The following PACRG variants were observed in gnomAD, a reference collection of about 807,000 sequenced individuals.
PACRG encodes parkin coregulated, also known as parkin coregulated gene protein.
PACRG carries 29 observed loss-of-function variants against 29.7 expected under a neutral mutation model. That is an observed-to-expected ratio of 0.98 (90% CI 0.73 to 1.33). PACRG has a LOEUF of 1.33. Among genes scored for constraint, PACRG ranks in the 40% most tolerant of loss-of-function variants. The pLI, the probability that PACRG is intolerant of heterozygous loss-of-function variation, is 0.00. For missense variants in PACRG, 279 were observed against 316.2 expected, an observed-to-expected ratio of 0.88 and a Z score of 0.89; for synonymous variants, 116 against 118.7, an observed-to-expected ratio of 0.98 and a Z score of 0.15.
chr6:163,060,454 A>AAC (rs1480521506), intron 2 of PACRG, among the ~76,000 whole-genome samples: 1 of 152,224 alleles, frequency 6.6e-6, no homozygotes, highest in Non-Finnish European at 1.5e-5. Context: ...AATCTCTGAG[A>AAC]AAATATATAT....
intron 1 of PACRG, among the ~76,000 whole-genome samples, chr6:162,790,796 C>A (rs370073428): frequency 2.0e-5 from 3 of 152,086 alleles, no homozygotes; most frequent in Non-Finnish European, 4.4e-5. Flanking sequence ...GCGTTGATCC[C>A]GCTATGTATC....
intron 4 of PACRG, among the ~76,000 whole-genome samples, chr6:163,181,703 G>A (rs980816883): frequency 6.6e-6 from 1 of 150,664 alleles, no homozygotes; most frequent in African/African-American, 2.4e-5. Context: ...AGCAGAGGTT[G>A]ATTATTAGTA....
intron 2 of PACRG, among the ~76,000 whole-genome samples, chr6:163,046,974 T>C (rs1334335828): frequency 6.6e-6 from 1 of 152,236 alleles, no homozygotes. Context: ...AATTTCTTCT[T>C]AAAATTGCCT....
chr6:163,300,023 T>A (rs1784926888), intron 4 of PACRG, among the ~76,000 whole-genome samples: 1 of 152,176 alleles, frequency 6.6e-6, no homozygotes, highest in African/African-American at 2.4e-5. Context: ...AGGCTGGAAC[T>A]AAGTGGAATG....
chr6:163,026,996 A>G (rs1807193139), intron 2 of PACRG, among the ~76,000 whole-genome samples: 1 of 152,230 alleles, frequency 6.6e-6, no homozygotes, highest in Admixed American at 6.5e-5. Context: ...TATGCTCCAT[A>G]TGAACATGGA....
chr6:163,202,619 G>A (rs897401877), intron 4 of PACRG, among the ~76,000 whole-genome samples: 1 of 152,108 alleles, frequency 6.6e-6, no homozygotes, highest in African/African-American at 2.4e-5. Context: ...TAGTTGTAAC[G>A]ATGGTTTTCA....
intron 4 of PACRG, among the ~76,000 whole-genome samples, chr6:163,166,981 A>T (rs1778840502): frequency 6.6e-6 from 1 of 152,234 alleles, no homozygotes; most frequent in South Asian, 2.1e-4. Context: ...TTTTCTATCC[A>T]AATAAAGTTC....
chr6:162,947,373 TA>T (rs1255304807), intron 2 of PACRG, among the ~76,000 whole-genome samples: 1 of 21,730 alleles, frequency 4.6e-5, no homozygotes, highest in Non-Finnish European at 1.5e-4. Flanking sequence ...TAATCATATA[TA>T]ATCATATATA....
intron 2 of PACRG, among the ~76,000 whole-genome samples, chr6:163,018,322 A>G (rs993758666): frequency 1.1e-4 from 16 of 152,158 alleles, no homozygotes; most frequent in Admixed American, 4.6e-4. Context: ...TCCTAGTTTC[A>G]TAAGTAAATA....
chr6:163,100,281 C>T (rs1814981201), intron 4 of PACRG, among the ~76,000 whole-genome samples: 2 of 152,142 alleles, frequency 1.3e-5, no homozygotes, highest in African/African-American at 2.4e-5. Flanking sequence ...GTCAAAAATG[C>T]CCCCACCCGT....
intron 3 of PACRG, among the ~76,000 whole-genome samples, chr6:163,068,082 TCCAATCTGGA>T (rs1811710819): frequency 6.6e-6 from 1 of 152,230 alleles, no homozygotes; most frequent in Non-Finnish European, 1.5e-5. Flanking sequence ...ATCCATTTGC[TCCAATCTGGA>T]CCACATATTG....
intron 4 of PACRG, among the ~76,000 whole-genome samples, chr6:163,113,679 G>A (rs1403227100): frequency 6.6e-6 from 1 of 152,118 alleles, no homozygotes; most frequent in Non-Finnish European, 1.5e-5. Context: ...CAAAAGCAAA[G>A]GGGAAATTGA....
intron 2 of PACRG, among the ~76,000 whole-genome samples, chr6:162,994,474 C>A (rs1362120060): frequency 6.6e-6 from 1 of 150,914 alleles, no homozygotes; most frequent in African/African-American, 2.5e-5. Flanking sequence ...CTTCCCTTCT[C>A]GCTTCATTTC....
intron 2 of PACRG, among the ~76,000 whole-genome samples, chr6:162,835,790 T>C (rs972932447): frequency 1.3e-5 from 2 of 152,128 alleles, no homozygotes; most frequent in Non-Finnish European, 2.9e-5. Context: ...CAATCTACCA[T>C]TGGACACATT....
intron 2 of PACRG, chr6:163,016,238 A>G (rs1806096528): frequency 6.6e-6 from 1 of 152,174 alleles, no homozygotes; most frequent in African/African-American, 2.4e-5. Context: ...TGACAGTGTG[A>G]GTTGGGTTCT....
chr6:163,262,099 T>C (rs912246684), intron 4 of PACRG, among the ~76,000 whole-genome samples: 1 of 152,174 alleles, frequency 6.6e-6, no homozygotes, highest in African/African-American at 2.4e-5. Context: ...AATTCTAAAC[T>C]ATATGAAAGT....
intron 4 of PACRG, among the ~76,000 whole-genome samples, chr6:163,095,182 C>G (rs1161697334): frequency 1.3e-5 from 2 of 152,186 alleles, no homozygotes; most frequent in Non-Finnish European, 2.9e-5. Context: ...ATGGTGAAAC[C>G]TACACATGCT....
intron 4 of PACRG, among the ~76,000 whole-genome samples, chr6:163,234,766 G>A (rs1428538996): frequency 1.3e-5 from 2 of 152,162 alleles, no homozygotes; most frequent in South Asian, 2.1e-4. Context: ...TAAAATAAAG[G>A]CTGAAAAATG....
rs191113791 is a variant in PACRG, at chr6:162,775,423, T to C, written c.157-38724T>C. Among the ~76,000 whole-genome samples the C allele has an allele frequency of 4.6e-5, 7 of 152,320 alleles. No homozygotes were observed. In the East Asian group the frequency reaches 1.2e-3, roughly 25 times the overall value. ...AAGATAATTGCGTAAGTGTTAGAGG[T>C]ATATACTTATCCATTGTTAATTTTA... On this transcript the variant is annotated intron_variant, in intron 1 of 4. Transcript: ENST00000366888.
Sources: gnomAD v4.1 joint callset for allele counts (sites outside exome capture counted in the v4.1 genomes callset) on GRCh38, gnomAD v4.1.1 for gene constraint, MANE v1.5 for transcripts, NCBI Gene and HGNC (gene_info 2026-07-23, HGNC 2026-07-21) for gene names.